Variants in HDAC4 observed in about 807,000 individuals in gnomAD.
The protein encoded by HDAC4 is histone deacetylase 4.
A neutral mutation model predicts 135.1 loss-of-function variants in HDAC4; 16 were observed. That is an observed-to-expected ratio of 0.12 (90% CI 0.08 to 0.18). The LOEUF (loss-of-function observed/expected upper bound fraction) is 0.18, where lower values mean the gene tolerates loss of function less well. Among genes scored for constraint, HDAC4 ranks in the 10% least tolerant of loss-of-function variants. The pLI, the probability that HDAC4 is intolerant of heterozygous loss-of-function variation, is 1.00. For synonymous variants in HDAC4, 685 were observed against 653.4 expected, an observed-to-expected ratio of 1.05 and a Z score of -0.74; for missense variants, 1,143 against 1,511.8, an observed-to-expected ratio of 0.76 and a Z score of 4.05.
intron 2 of HDAC4, among the ~76,000 whole-genome samples, chr2:239,254,502 G>A (rs951184803): frequency 6.6e-6 from 1 of 151,334 alleles, no homozygotes. Context: ...TTTTTAAAAA[G>A]AATTAAGTGA....
chr2:239,093,826 G>T, intron 17 of HDAC4: 2 of 504,366 alleles, frequency 4.0e-6, no homozygotes, highest in Non-Finnish European at 2.6e-6. Context: ...TGGCTGCAGG[G>T]CAGTGCAAAT....
intron 3 of HDAC4, among the ~76,000 whole-genome samples, chr2:239,194,882 G>A (rs1013999403): frequency 6.6e-6 from 1 of 152,212 alleles, no homozygotes; most frequent in African/African-American, 2.4e-5. Context: ...AGGTGCTGGC[G>A]CTGATCCGCC....
intron 1 of HDAC4, among the ~76,000 whole-genome samples, chr2:239,382,108 G>T (rs756026590): frequency 6.6e-6 from 1 of 152,230 alleles, no homozygotes; most frequent in Non-Finnish European, 1.5e-5. Context: ...CACAATCAGC[G>T]ACAGCACAGA....
rs2052961431 is a variant in HDAC4 at position 239,313,067 on chromosome 2, C to A, written c.22+39611G>T. 1.3e-5 allele frequency among the ~76,000 whole-genome samples: 2 copies of A among 152,146 alleles called. No individual in the cohort carries two copies. Among genetic ancestry groups the A allele is most frequent in the African/African-American group, 4.8e-5 (2 of 41,440 alleles). On this transcript the variant is annotated intron_variant, in intron 2 of 26. Transcript: ENST00000543185. The surrounding 1 kb of genome is among the most constrained non-coding windows in gnomAD (Gnocchi z 5.1). ...TGGCCAGCCTGGGGCAGGGTGTTCC[C>A]CCAGCCAGGGAGCTTCACTCAGGCT... is the stretch of plus-strand genomic sequence containing the variant.
At chr2:239,248,383 G>GT (rs1465183168) in intron 2 of HDAC4, among the ~76,000 whole-genome samples, 1 of 151,864 alleles carries the variant, frequency 6.6e-6, no homozygotes, top group African/African-American at 2.4e-5. Flanking sequence ...GGGTTTCACC[G>GT]TGTTAGCCAG....
In HDAC4 at chr2:239,138,042, TC is replaced by T. The variant is rs2041096823; in HGVS notation, c.978+1641del. On this transcript the variant is annotated intron_variant, in intron 9 of 26. Coordinates refer to ENST00000543185, the MANE Select transcript of HDAC4 (RefSeq NM_001378414.1). ...GCCTCATTTTAAATAAAAACATGTA[TC>T]TAGGACCACAATCAACAAGATGCAA... is the stretch of plus-strand genomic sequence containing the variant. Among the ~76,000 whole-genome samples the T allele has an allele frequency of 2.0e-5, 3 of 152,200 alleles. No individual in the cohort carries two copies. The South Asian group carries it at 6.2e-4, about 31-fold the overall frequency.
At chr2:239,074,761 G>C (rs2152648687) in intron 22 of HDAC4, among the ~76,000 whole-genome samples, 1 of 152,344 alleles carries the variant, frequency 6.6e-6, no homozygotes, top group South Asian at 2.1e-4. Context: ...TGACTTCTTT[G>C]CCTGTAAAAA....
At chr2:239,345,430 C>T (rs1008362043) in intron 2 of HDAC4, among the ~76,000 whole-genome samples, 2 of 151,880 alleles carry the variant, frequency 1.3e-5, no homozygotes, top group Non-Finnish European at 2.9e-5. Context: ...TGCAGAGGTG[C>T]ATGCCAGAGG....
intron 3 of HDAC4, among the ~76,000 whole-genome samples, chr2:239,191,632 G>C (rs556470235): frequency 6.6e-6 from 1 of 152,232 alleles, no homozygotes; most frequent in South Asian, 2.1e-4. Flanking sequence ...CTGGGTTGCC[G>C]CTTAGCCGTG....
At chr2:239,067,458 T>C (rs986891808) in intron 23 of HDAC4, among the ~76,000 whole-genome samples, 1 of 152,204 alleles carries the variant, frequency 6.6e-6, no homozygotes, top group African/African-American at 2.4e-5. Context: ...GCCCCGATCA[T>C]GGGCTGGCGA....
intron 1 of HDAC4, among the ~76,000 whole-genome samples, chr2:239,365,887 A>T (rs1191781748): frequency 6.6e-6 from 1 of 151,924 alleles, no homozygotes; most frequent in Non-Finnish European, 1.5e-5. Context: ...ACTGGGGGAC[A>T]CACAGAGACA....
At chr2:239,338,079 A>C (rs1692064213) in intron 2 of HDAC4, among the ~76,000 whole-genome samples, 1 of 152,198 alleles carries the variant, frequency 6.6e-6, no homozygotes, top group Admixed American at 6.5e-5. Context: ...CCCACCAGCC[A>C]GGTGCAGAGG....
chr2:239,193,790 T>C (rs751456927), intron 3 of HDAC4, among the ~76,000 whole-genome samples: 1 of 152,200 alleles, frequency 6.6e-6, no homozygotes, highest in Non-Finnish European at 1.5e-5. Flanking sequence ...CGAGTGGAAT[T>C]TTCTTTCTTC....
chr2:239,392,575 C>T (rs7589150), intron 1 of HDAC4, among the ~76,000 whole-genome samples: 3 of 152,172 alleles, frequency 2.0e-5, no homozygotes, highest in Non-Finnish European at 2.9e-5. Flanking sequence ...AATTAAGATA[C>T]ACCCCGCTTG....
At chr2:239,322,553 C>A (rs1387113720) in intron 2 of HDAC4, among the ~76,000 whole-genome samples, 10 of 152,198 alleles carry the variant, frequency 6.6e-5, no homozygotes, top group African/African-American at 2.4e-4. Flanking sequence ...TGTTTATTTA[C>A]CCATCTACTG....
chr2:239,380,331 C>T (rs1695327745), intron 1 of HDAC4, among the ~76,000 whole-genome samples: 1 of 109,084 alleles, frequency 9.2e-6, no homozygotes, highest in African/African-American at 3.3e-5. Flanking sequence ...TGTACATTTA[C>T]ATTAAATTAT....
chr2:239,290,661 G>A (rs961602400), intron 2 of HDAC4, among the ~76,000 whole-genome samples: 7 of 151,930 alleles, frequency 4.6e-5, no homozygotes, highest in Admixed American at 1.3e-4. Context: ...ACACATGCGC[G>A]CACGCATGCA....
intron 2 of HDAC4, among the ~76,000 whole-genome samples, chr2:239,328,333 G>A (rs2053529133): frequency 6.6e-6 from 1 of 152,182 alleles, no homozygotes; most frequent in South Asian, 2.1e-4. Context: ...ATGTAGTCCG[G>A]GACCTCCTGA....
intron 3 of HDAC4, among the ~76,000 whole-genome samples, chr2:239,211,172 C>T (rs772246260): frequency 4.0e-4 from 61 of 152,186 alleles, no homozygotes; most frequent in Admixed American, 1.2e-3. Flanking sequence ...CACTTACATT[C>T]CATTTTAAAT....
Sources: gnomAD v4.1 joint callset for allele counts (sites outside exome capture counted in the v4.1 genomes callset) on GRCh38, gnomAD v4.1.1 for gene constraint, Gnocchi (gnomAD v3.1) non-coding constraint, MANE v1.5 for transcripts, NCBI Gene and HGNC (gene_info 2026-07-23, HGNC 2026-07-21) for gene names.